Variants in ZNF200 observed in about 807,000 individuals in gnomAD.
ZNF200 encodes zinc finger protein 200.
In ZNF200, 35 loss-of-function variants were observed where a neutral mutation model predicts 33.6. The ratio of observed to expected loss-of-function variants is 1.04; its 90% confidence interval spans 0.80 to 1.38. The LOEUF is 1.38. Ranked by LOEUF, ZNF200 falls within the 40% of genes most tolerant of loss-of-function variation. ZNF200 has a pLI of 0.00. For synonymous variants in ZNF200, 209 were observed against 167.7 expected, an observed-to-expected ratio of 1.25 and a Z score of -1.90; for missense variants, 592 against 470.6, an observed-to-expected ratio of 1.26 and a Z score of -2.39.
In ZNF200 at chr16:3,224,765, G is replaced by A. The variant is rs553199439; in HGVS notation, c.467-152C>T. On this transcript the variant is annotated intron_variant, in intron 4 of 4. Transcript: ENST00000414144. The stretch of plus-strand genomic sequence containing the variant: ...CGCACTCCTTTTCCATACTTATTGA[G>A]GGTGGGATACATAACTGATAAATCT... 58 of 913,784 alleles carry A rather than the reference G, an allele frequency of 6.3e-5. No homozygotes were observed. In the African/African-American group the frequency reaches 8.2e-4, roughly 13 times the overall value. 56.6% of individuals were successfully genotyped at this position (913,784 alleles called of 1,614,324 possible).
intron 2 of ZNF200, among the ~76,000 whole-genome samples, chr16:3,233,264 C>A (rs910914744): frequency 3.9e-5 from 6 of 152,192 alleles, no homozygotes; most frequent in Non-Finnish European, 5.9e-5. Context: ...CTGATTTATC[C>A]TTAAAAGATA....
chr16:3,228,326 A>T (rs534059668), intron 4 of ZNF200, among the ~76,000 whole-genome samples: 1 of 151,998 alleles, frequency 6.6e-6, no homozygotes, highest in Non-Finnish European at 1.5e-5. Flanking sequence ...AAGTTTTCTG[A>T]TTACTCTGTT....
At position 3,224,389 on chromosome 16, in the gene ZNF200, G is replaced by A. The variant is rs1247327410; in HGVS notation, c.691C>T (p.Leu231Phe). 1.2e-6 allele frequency: 2 copies of A among 1,614,030 alleles called. No individual in the cohort carries two copies. The highest frequency in any genetic ancestry group is 1.7e-6 in the Non-Finnish European group (2 of 1,180,040). ...ATACTGATGTCTACATATTTTGAGA[G>A]TTCCTCTAGAGGAGTATCATTCTCA... The part of the protein sequence containing the change: ...TIENDTPLEE[L>F]SKYVDISIIA... The change falls in exon 5 of 5, where the codon CTC becomes TTC. Residue 231 changes from leucine to phenylalanine, a missense_variant. Coordinates refer to ENST00000414144, the MANE Select transcript of ZNF200 (RefSeq NM_198088.3).
In ZNF200 at chr16:3,223,627, G is replaced by A. The variant is rs1382354802; in HGVS notation, c.*265C>T. ...CAAAGTGTTGGGAAAGGGGATCTGT[G>A]ACCTGTACATTATCATATAACTTCA... On this transcript the variant is annotated 3_prime_UTR_variant, in exon 5 of 5. Transcript: ENST00000414144. The A allele has an allele frequency of 8.2e-6, 3 of 366,896 alleles. No homozygotes were observed. Among genetic ancestry groups the A allele is most frequent in the African/African-American group, 2.1e-5 (1 of 47,402 alleles). 22.7% of individuals were successfully genotyped at this position (366,896 alleles called of 1,614,324 possible). A position where few individuals can be genotyped will look rare whatever the true frequency, so the allele number is the denominator to read the frequency against.
chr16:3,229,048 A>G (rs1311372781), intron 4 of ZNF200, among the ~76,000 whole-genome samples: 1 of 152,200 alleles, frequency 6.6e-6, no homozygotes, highest in Admixed American at 6.5e-5. Flanking sequence ...TAAACAATTT[A>G]GTATAACAAC....
chr16:3,233,898 A>T (rs868117848), intron 1 of ZNF200, 62 bp from the exon 2 acceptor site: 74 of 1,321,546 alleles, frequency 5.6e-5, no homozygotes, highest in East Asian at 1.8e-4. Context: ...GCACTCCAAT[A>T]TGTGGCATGG....
At position 3,224,484 on chromosome 16, in the gene ZNF200, T is replaced by G; in HGVS notation, c.596A>C (p.Asn199Thr). ...TGTATTTAGTCGTTCCTTTTCCTGG[T>G]TATCGGGAGGCTGCTGAGAGACCAA... ...SSLVSQQPPDNQEKERLNTSI... is the reference protein window; with the variant it reads ...SSLVSQQPPDTQEKERLNTSI... The change falls in exon 5 of 5, where the codon AAC (asparagine) becomes ACC (threonine). Residue 199 changes from asparagine to threonine, a missense_variant. Physicochemically the swap from Asn to Thr is moderately conservative, Grantham distance 65. Coordinates refer to ENST00000414144, the MANE Select transcript of ZNF200 (RefSeq NM_198088.3). 6.2e-7 allele frequency: 1 copy of G among 1,614,212 alleles called. No individual in the cohort carries two copies. Among genetic ancestry groups the G allele is most frequent in the East Asian group, 2.2e-5 (1 of 44,884 alleles).
rs986819808 is a variant in ZNF200, at chr16:3,222,757, G to C, written c.*1135C>G. 3 of 152,308 alleles carry C rather than the reference G, an allele frequency of 2.0e-5. No homozygotes were observed. The highest frequency in any genetic ancestry group is 4.4e-5 in the Non-Finnish European group (3 of 68,040). The allele number at this position is 152,308 out of a possible 1,614,324, so 9.4% of individuals were successfully genotyped here. A position where few individuals can be genotyped will look rare whatever the true frequency, so the allele number is the denominator to read the frequency against. On this transcript the variant is annotated 3_prime_UTR_variant, in exon 5 of 5. Coordinates refer to ENST00000414144, the MANE Select transcript of ZNF200 (RefSeq NM_198088.3). ...AAAGGCACCGCTGGCCTTGCTTCTAGGCAGAGGACAGGAAGGTATGGATAT... is the reference window on the plus strand; with the variant it reads ...AAAGGCACCGCTGGCCTTGCTTCTACGCAGAGGACAGGAAGGTATGGATAT...
In ZNF200 at chr16:3,224,693, C is replaced by T. The variant is rs185505006; in HGVS notation, c.467-80G>A. 3.9e-4 allele frequency: 584 copies of T among 1,494,870 alleles called. 2 individuals are homozygous for T. The African/African-American group carries it at 7.2e-3, about 19-fold the overall frequency. 92.6% of individuals were successfully genotyped at this position (1,494,870 alleles called of 1,614,324 possible). On this transcript the variant is annotated intron_variant, in intron 4 of 4. Transcript: ENST00000414144. ...GAAAAAACAAGTCAGGTTTCTTATG[C>T]CACAGCCACCTTGAACGTCAATCTG...
chr16:3,232,708 G>A, intron 3 of ZNF200, 125 bp downstream of exon 3: 2 of 1,414,154 alleles, frequency 1.4e-6, no homozygotes, highest in South Asian at 2.6e-5. Context: ...GCTGAGAAGG[G>A]CTCAAGGAAA....
rs76198203 is a variant in ZNF200, at chr16:3,232,707, G to A, written c.339+126C>T. 3,574 of 1,413,438 alleles carry A rather than the reference G, an allele frequency of 2.5e-3. 69 individuals are homozygous for A. The African/African-American group carries it at 0.041, about 16-fold the overall frequency. 87.6% of individuals were successfully genotyped at this position (1,413,438 alleles called of 1,614,324 possible). On this transcript the variant is annotated intron_variant, in intron 3 of 4. Transcript: ENST00000414144. ...AAGACAGGACAGCCAGGCTGAGAAG[G>A]GCTCAAGGAAAAAGCAGAAGAAAAA...
chr16:3,222,688 G>A lies in ZNF200; in HGVS notation c.*1204C>T, dbSNP rs1958358668. 6.6e-6 allele frequency: 1 copy of A among 152,102 alleles called. No individual in the cohort carries two copies. Among genetic ancestry groups the A allele is most frequent in the East Asian group, 1.9e-4 (1 of 5,196 alleles). 9.4% of individuals were successfully genotyped at this position (152,102 alleles called of 1,614,324 possible). ...TATAACTTTTGGAAACCTAAAGCAA[G>A]CAAAACTGAAGAATCCCTAAATCGC... On this transcript the variant is annotated 3_prime_UTR_variant, in exon 5 of 5. Transcript: ENST00000414144.
At chr16:3,233,876 C>T (rs1325046023) in intron 1 of ZNF200, 40 bp from the exon 2 acceptor site, 31 of 1,472,676 alleles carry the variant, frequency 2.1e-5, no homozygotes, top group Non-Finnish European at 2.8e-5. Flanking sequence ...AAAGACCAGG[C>T]ACGGCATTAC....
At chr16:3,231,223 T>C (rs564583870) in intron 4 of ZNF200, among the ~76,000 whole-genome samples, 2 of 152,260 alleles carry the variant, frequency 1.3e-5, no homozygotes, top group Admixed American at 1.3e-4. Context: ...CCAAAATAAA[T>C]GCCAGCTCTG....
chr16:3,233,491 G>C lies in ZNF200; in HGVS notation c.250+15C>G, dbSNP rs1238962611. 2 of 1,509,428 alleles carry C rather than the reference G, an allele frequency of 1.3e-6. No individual in the cohort carries two copies. The highest frequency in any genetic ancestry group is 2.4e-5 in the East Asian group (1 of 42,422). The allele number at this position is 1,509,428 out of a possible 1,614,324, so 93.5% of individuals were successfully genotyped here. A position where few individuals can be genotyped will look rare whatever the true frequency, so the allele number is the denominator to read the frequency against. On this transcript the variant is annotated intron_variant, in intron 2 of 4. Transcript: ENST00000414144. ...TCCTCCTCCTCTTCTAGTGAAACAA[G>C]CATGTGCTTCTCACCTCTGTTCTGA...
chr16:3,230,952 G>A (rs1361916324), intron 4 of ZNF200, among the ~76,000 whole-genome samples: 1 of 152,156 alleles, frequency 6.6e-6, no homozygotes, highest in Non-Finnish European at 1.5e-5. Flanking sequence ...TGAATGACTT[G>A]TCTTACAAAC....
chr16:3,230,039 AAAT>A (rs1958594014), intron 4 of ZNF200, among the ~76,000 whole-genome samples: 3 of 152,198 alleles, frequency 2.0e-5, no homozygotes, highest in South Asian at 4.1e-4. Flanking sequence ...TGCCACCTCA[AAAT>A]AATAAGTGAT....
Position 3,224,406 on chromosome 16 carries a change from T to C in ZNF200, c.674A>G (p.Asp225Gly), listed in dbSNP as rs1958414782. ...MRNLLVTIEN[D>G]TPLEELSKYV... ...TTTTGAGAGTTCCTCTAGAGGAGTA[T>C]CATTCTCAATGGTAACTAACAGATT... The change falls in exon 5 of 5, where the codon GAT (aspartate) becomes GGT (glycine). Residue 225 changes from aspartate to glycine, a missense_variant. Coordinates refer to ENST00000414144, the MANE Select transcript of ZNF200 (RefSeq NM_198088.3). The C allele has an allele frequency of 6.2e-7, 1 of 1,614,074 alleles. No individual in the cohort carries two copies. Among genetic ancestry groups the C allele is most frequent in the South Asian group, 1.1e-5 (1 of 91,090 alleles).
intron 4 of ZNF200, among the ~76,000 whole-genome samples, chr16:3,231,957 C>A (rs1348480903): frequency 2.0e-5 from 3 of 152,188 alleles, no homozygotes; most frequent in African/African-American, 7.2e-5. Context: ...TAGTGCCTAG[C>A]ATGTAACAGC....
Sources: gnomAD v4.1 joint callset for allele counts (sites outside exome capture counted in the v4.1 genomes callset) on GRCh38, gnomAD v4.1.1 for gene constraint, MANE v1.5 for transcripts, NCBI Gene and HGNC (gene_info 2026-07-23, HGNC 2026-07-21) for gene names.